The following TMX2 variants were observed in gnomAD, a reference collection of about 807,000 sequenced individuals.
The protein encoded by TMX2 is thioredoxin-related transmembrane protein 2.
A neutral mutation model predicts 33.4 loss-of-function variants in TMX2; 20 were observed. The ratio of observed to expected loss-of-function variants is 0.60; its 90% CI spans 0.42 to 0.87. The LOEUF (loss-of-function observed/expected upper bound fraction) is 0.87. Ranked by LOEUF, TMX2 falls within the 40% of genes least tolerant of loss-of-function variation. The probability of loss-of-function intolerance (pLI) is 0.00; values close to 1 mark genes in which losing one functional copy is unlikely to be tolerated. For synonymous variants in TMX2, 166 were observed against 140.7 expected, an observed-to-expected ratio of 1.18 and a Z score of -1.27; for missense variants, 340 against 370.7, an observed-to-expected ratio of 0.92 and a Z score of 0.68.
intron 1 of TMX2, chr11:57,718,651 C>CT: frequency 1.3e-5 from 4 of 317,602 alleles, no homozygotes; most frequent in South Asian, 3.3e-5. Context: ...ATAACCCCCC[C>CT]TCTTTTTTTT....
chr11:57,713,980 T>TG (rs1262171018), intron 1 of TMX2, among the ~76,000 whole-genome samples: 3 of 152,244 alleles, frequency 2.0e-5, no homozygotes. Flanking sequence ...GTTGTCTTCT[T>TG]TGACAGGTCT....
chr11:57,725,247 A>C (rs1565221619), intron 1 of TMX2, among the ~76,000 whole-genome samples: 1 of 152,106 alleles, frequency 6.6e-6, no homozygotes, highest in Non-Finnish European at 1.5e-5. Flanking sequence ...GCCATTATTT[A>C]TCTCTCCCTG....
intron 7 of TMX2, among the ~76,000 whole-genome samples, chr11:57,739,890 A>G (rs1235988125): frequency 6.6e-6 from 1 of 152,188 alleles, no homozygotes; most frequent in Non-Finnish European, 1.5e-5. Flanking sequence ...TAATTTAGGT[A>G]TAATTCTTGG....
intron 1 of TMX2, among the ~76,000 whole-genome samples, chr11:57,728,955 T>C (rs946170789): frequency 2.0e-5 from 3 of 151,974 alleles, no homozygotes; most frequent in Admixed American, 1.3e-4. Flanking sequence ...TCACCCAGCG[T>C]TTTGAGCCCT....
At chr11:57,729,123 GA>G (rs929264753) in intron 1 of TMX2, among the ~76,000 whole-genome samples, 8 of 145,430 alleles carry the variant, frequency 5.5e-5, no homozygotes, top group East Asian at 2.0e-4. Flanking sequence ...CCTCTAAGGA[GA>G]AAAAAAAAAG....
intron 1 of TMX2, among the ~76,000 whole-genome samples, chr11:57,722,096 A>G (rs1947672210): frequency 6.6e-6 from 1 of 152,108 alleles, no homozygotes; most frequent in South Asian, 2.1e-4. Flanking sequence ...GCTGCACTTA[A>G]GCCATCCTCC....
chr11:57,737,282 TG>T (rs1418505911), intron 1 of TMX2, among the ~76,000 whole-genome samples: 1 of 152,074 alleles, frequency 6.6e-6, no homozygotes, highest in Non-Finnish European at 1.5e-5. Flanking sequence ...TAGCCGGGTG[TG>T]GTGGCGCATG....
Position 57,738,752 on chromosome 11 carries a change from A to G in TMX2, c.530A>G (p.Tyr177Cys), listed in dbSNP as rs150655916. Residue 177 changes from tyrosine to cysteine, a missense_variant, in exon 5 of 8, where the codon TAT becomes TGT. Transcript: ENST00000278422. ...GACTGCCAATCATTTGCCCCTATCT[A>G]TGCTGACCTCTCCCTTAAGTGAGTA... ...SNDCQSFAPI[Y>C]ADLSLKYNCT... 5.0e-6 allele frequency: 8 copies of G among 1,613,768 alleles called. No individual in the cohort carries two copies. Among genetic ancestry groups the G allele is most frequent in the African/African-American group, 4.0e-5 (3 of 74,892 alleles).
chr11:57,740,041 C>T, intron 7 of TMX2, 58 bp from the exon 8 acceptor site: 1 of 1,610,206 alleles, frequency 6.2e-7, no homozygotes, highest in African/African-American at 1.3e-5. Flanking sequence ...TCTTACTTCC[C>T]AGGCTCTTTA....
At position 57,738,536 on chromosome 11, in the gene TMX2, CG is replaced by C. The variant is rs1433967838; in HGVS notation, c.441+109del. 3.3e-6 allele frequency: 4 copies of C among 1,218,734 alleles called. No individual in the cohort carries two copies. In the Admixed American group the frequency reaches 6.8e-5, roughly 21 times the overall value. The allele number at this position is 1,218,734 out of a possible 1,614,324, so 75.5% of individuals were successfully genotyped here. On this transcript the variant is annotated intron_variant, in intron 4 of 7. Transcript: ENST00000278422. ...CAACAGTGCTTCAAAATGGATGTCA[CG>C]GGCACTGTGGTTCATTATGAGAGCC...
chr11:57,713,562 T>A lies in TMX2; in HGVS notation c.189+755T>A, dbSNP rs527520931. Among the ~76,000 whole-genome samples, 13 of 152,270 alleles carry A rather than the reference T, an allele frequency of 8.5e-5. 1 individual carries two copies. Among genetic ancestry groups the A allele is most frequent in the South Asian group, 8.3e-4 (4 of 4,828 alleles). On this transcript the variant is annotated intron_variant, in intron 1 of 7. Coordinates refer to ENST00000278422, the MANE Select transcript of TMX2 (RefSeq NM_015959.4). ...GCACTTTCCCTTCTGCCATATAGCA[T>A]GTAGGGGCCAAGGAAAAGCTTCCCC... is the stretch of plus-strand genomic sequence containing the variant.
intron 1 of TMX2, among the ~76,000 whole-genome samples, chr11:57,717,668 G>A (rs1161421660): frequency 2.1e-5 from 3 of 143,140 alleles, no homozygotes; most frequent in South Asian, 2.3e-4. Flanking sequence ...GTCCAGCTTC[G>A]GCTCGGCATC....
At position 57,720,350 on chromosome 11, in the gene TMX2, T is replaced by TAAC. The variant is rs1277400525; in HGVS notation, c.189+7544_189+7546dup. ...GTGTTTATTGTGTATATGGTACCAA[T>TAAC]AACGAATGAGTACCCCCAAAAGTCA... On this transcript the variant is annotated intron_variant, in intron 1 of 7. Coordinates refer to ENST00000278422, the MANE Select transcript of TMX2 (RefSeq NM_015959.4). Among the ~76,000 whole-genome samples the TAAC allele has an allele frequency of 3.9e-5, 6 of 152,240 alleles. No homozygotes were observed. In the South Asian group the frequency reaches 8.3e-4, roughly 21 times the overall value.
At chr11:57,721,353 T>G (rs1184892790) in intron 1 of TMX2, among the ~76,000 whole-genome samples, 3 of 149,448 alleles carry the variant, frequency 2.0e-5, no homozygotes, top group Middle Eastern at 3.4e-3. Context: ...AAGTTTTTTT[T>G]TTTTTTTTTT....
chr11:57,721,503 A>G (rs1001510817), intron 1 of TMX2, among the ~76,000 whole-genome samples: 7 of 151,998 alleles, frequency 4.6e-5, no homozygotes, highest in Non-Finnish European at 8.8e-5. Flanking sequence ...TTTAGTAGAC[A>G]TGGGGTTTTT....
chr11:57,738,522 C>T (rs1246784510), intron 4 of TMX2, 92 bp downstream of exon 4: 1 of 1,243,824 alleles, frequency 8.0e-7, no homozygotes, highest in African/African-American at 1.5e-5. Context: ...AACAGTGCTT[C>T]AAAATGGATG....
At position 57,735,735 on chromosome 11, in the gene TMX2, A is replaced by G. The variant is rs78784649; in HGVS notation, c.190-1873A>G. The stretch of plus-strand genomic sequence containing the variant: ...ACACGTGCATGCTCAGTTGAGCTTC[A>G]TATCTGTCCATAAGACCCATGTTCA... On this transcript the variant is annotated intron_variant, in intron 1 of 7. Transcript: ENST00000278422. Among the ~76,000 whole-genome samples, 822 of 152,296 alleles carry G rather than the reference A, an allele frequency of 5.4e-3. 10 individuals carry two copies. Among genetic ancestry groups the G allele is most frequent in the African/African-American group, 0.019 (787 of 41,564 alleles).
chr11:57,717,098 G>C (rs1251293541), intron 1 of TMX2, among the ~76,000 whole-genome samples: 1 of 147,482 alleles, frequency 6.8e-6, no homozygotes, highest in African/African-American at 2.6e-5. Flanking sequence ...CCACATCTCA[G>C]ACGATGGGCG....
intron 1 of TMX2, among the ~76,000 whole-genome samples, chr11:57,737,068 C>T (rs1007997702): frequency 1.3e-5 from 2 of 152,048 alleles, no homozygotes; most frequent in Admixed American, 1.3e-4. Context: ...CTCATTTAAT[C>T]CCCCAGTAGC....
Sources: allele counts gnomAD v4.1 joint callset (sites outside exome capture counted in the v4.1 genomes callset), GRCh38; gene constraint gnomAD v4.1.1; transcripts MANE v1.5; gene names NCBI Gene and HGNC (gene_info 2026-07-23, HGNC 2026-07-21).